The following SOX6 variants were observed in gnomAD, a reference collection of about 807,000 sequenced individuals.
The protein encoded by SOX6 is transcription factor SOX-6.
A neutral mutation model predicts 97.8 loss-of-function variants in SOX6; 11 were observed. The observed-to-expected ratio is 0.11, with a 90% CI of 0.07 to 0.19. The LOEUF (loss-of-function observed/expected upper bound fraction) is 0.19, where lower values mean the gene tolerates loss of function less well. Ranked by LOEUF, SOX6 falls within the 10% of genes least tolerant of loss-of-function variation. SOX6 has a pLI of 1.00. For missense variants in SOX6, 810 were observed against 1,039.5 expected (o/e 0.78, Z 3.04); for synonymous variants, 360 against 371.4 (o/e 0.97, Z 0.35).
In SOX6 at chr11:16,374,536, A is replaced by T. The variant is rs550198746; in HGVS notation, c.-4-33284T>A. On this transcript the variant is annotated intron_variant, in intron 1 of 15. Transcript: ENST00000396356. ...TGGAATACATTTTTAAACAGAAAAA[A>T]ATAATATTAATGTCATTATCCTTTT... Among the ~76,000 whole-genome samples the T allele has an allele frequency of 4.6e-5, 7 of 152,216 alleles. No homozygotes were observed. In the East Asian group the frequency reaches 1.2e-3, roughly 25 times the overall value.
At chr11:16,347,272 A>G (rs1856796970) in intron 1 of SOX6, among the ~76,000 whole-genome samples, 1 of 152,006 alleles carries the variant, frequency 6.6e-6, no homozygotes, top group Non-Finnish European at 1.5e-5. Context: ...ACTTCATGTA[A>G]CCTCTATCTA....
intron 3 of SOX6, among the ~76,000 whole-genome samples, chr11:16,251,204 A>G (rs1041907357): frequency 6.6e-6 from 1 of 152,130 alleles, no homozygotes; most frequent in African/African-American, 2.4e-5. Context: ...TTAATTACCT[A>G]AGCTCTATCT....
chr11:16,257,369 A>G (rs775662051), intron 3 of SOX6, among the ~76,000 whole-genome samples: 22 of 151,934 alleles, frequency 1.4e-4, no homozygotes, highest in Non-Finnish European at 2.9e-4. Context: ...AAAATCGTTG[A>G]ATGGAACAGA....
chr11:16,087,060 C>A (rs1157418705), intron 9 of SOX6, among the ~76,000 whole-genome samples: 1 of 152,174 alleles, frequency 6.6e-6, no homozygotes, highest in Admixed American at 6.5e-5. Flanking sequence ...CCATCTATTA[C>A]AGTCCTATTT....
intron 3 of SOX6, among the ~76,000 whole-genome samples, chr11:16,682,047 G>T (rs569759270): frequency 6.6e-6 from 1 of 152,350 alleles, no homozygotes; most frequent in Admixed American, 6.5e-5. Flanking sequence ...AGAGGAGCTG[G>T]TACCATTCCT....
intron 13 of SOX6, among the ~76,000 whole-genome samples, chr11:15,991,766 T>A (rs1854059059): frequency 6.6e-6 from 1 of 152,274 alleles, no homozygotes; most frequent in Non-Finnish European, 1.5e-5. Flanking sequence ...GAGATCATAG[T>A]GGATTTTTAG....
At chr11:16,443,937 C>T (rs1458928515) in intron 1 of SOX6, among the ~76,000 whole-genome samples, 2 of 144,780 alleles carry the variant, frequency 1.4e-5, no homozygotes, top group African/African-American at 5.1e-5. Context: ...CGCTTGAACC[C>T]GGGAGGTGGA....
intron 15 of SOX6, 124 bp from the exon 16 acceptor site, chr11:15,973,236 C>T: frequency 1.1e-6 from 1 of 936,382 alleles, no homozygotes; most frequent in Non-Finnish European, 1.6e-6. Flanking sequence ...AAATAACATT[C>T]TAAGCAAATA....
chr11:16,231,276 T>G (rs545830079), intron 4 of SOX6, among the ~76,000 whole-genome samples: 54 of 151,866 alleles, frequency 3.6e-4, no homozygotes, highest in African/African-American at 1.2e-3. Flanking sequence ...TTAAGAGTTC[T>G]TAGAAAACAC....
At chr11:16,597,347 T>C (rs1165807540) in intron 4 of SOX6, among the ~76,000 whole-genome samples, 1 of 151,256 alleles carries the variant, frequency 6.6e-6, no homozygotes. Flanking sequence ...TGTGTATATA[T>C]ATATATTAAA....
At chr11:16,033,379 A>T (rs1368668336) in intron 12 of SOX6, among the ~76,000 whole-genome samples, 1 of 152,168 alleles carries the variant, frequency 6.6e-6, no homozygotes, top group Non-Finnish European at 1.5e-5. Flanking sequence ...CTAGTAATAC[A>T]CATGTTGTTG....
intron 7 of SOX6, among the ~76,000 whole-genome samples, chr11:16,098,494 G>A (rs951740439): frequency 9.9e-5 from 15 of 151,812 alleles, no homozygotes; most frequent in Non-Finnish European, 1.8e-4. Flanking sequence ...AAGGGAGACG[G>A]AAGTACCTTC....
chr11:16,675,605 T>C (rs571804145), intron 3 of SOX6, among the ~76,000 whole-genome samples: 155 of 152,362 alleles, frequency 1.0e-3, no homozygotes, highest in Non-Finnish European at 1.7e-3. Flanking sequence ...CATTTCAGCT[T>C]GAAGAAGTCC....
chr11:16,072,172 A>G (rs1848241972), intron 9 of SOX6, among the ~76,000 whole-genome samples: 1 of 152,164 alleles, frequency 6.6e-6, no homozygotes, highest in East Asian at 1.9e-4. Flanking sequence ...GAGAAAGTCA[A>G]AACCCAATCC....
chr11:16,015,265 G>A, intron 12 of SOX6: 1 of 577,994 alleles, frequency 1.7e-6, no homozygotes, highest in Non-Finnish European at 3.1e-6. Context: ...GTAGGGAAAG[G>A]AAAGCTGTGA....
chr11:16,089,998 T>C (rs978157283), intron 9 of SOX6, among the ~76,000 whole-genome samples: 3 of 152,094 alleles, frequency 2.0e-5, no homozygotes, highest in Admixed American at 2.0e-4. Context: ...TTACAACATA[T>C]ACATACATGC....
intron 3 of SOX6, chr11:16,312,307 C>T (rs923064957): frequency 6.6e-6 from 1 of 152,124 alleles, no homozygotes; most frequent in Admixed American, 6.6e-5. Flanking sequence ...TTAAAAAGAG[C>T]CATAGAGTCA....
chr11:16,185,865 C>T (rs1590008649), intron 5 of SOX6, among the ~76,000 whole-genome samples: 1 of 152,076 alleles, frequency 6.6e-6, no homozygotes, highest in Admixed American at 6.6e-5. Flanking sequence ...ATATAAAATA[C>T]CAGACATCAC....
intron 13 of SOX6, among the ~76,000 whole-genome samples, chr11:16,008,263 G>A (rs1590125817): frequency 6.6e-6 from 1 of 152,088 alleles, no homozygotes; most frequent in African/African-American, 2.4e-5. Flanking sequence ...TTTATCTACA[G>A]TTGATTGAAT....
Sources: allele counts gnomAD v4.1 joint callset (sites outside exome capture counted in the v4.1 genomes callset), GRCh38; gene constraint gnomAD v4.1.1; transcripts MANE v1.5; gene names NCBI Gene and HGNC (gene_info 2026-07-23, HGNC 2026-07-21).